HDLBP: variants seen among roughly 807,000 people sequenced by gnomAD.
The protein encoded by HDLBP is vigilin.
A neutral mutation model predicts 137.3 loss-of-function variants in HDLBP; 30 were observed. The ratio of observed to expected loss-of-function variants is 0.22; its 90% confidence interval spans 0.16 to 0.30. The LOEUF (loss-of-function observed/expected upper bound fraction) is 0.30. Among genes scored for constraint, HDLBP ranks in the 10% least tolerant of loss-of-function variants. The pLI is 1.00. For missense variants in HDLBP, 1,119 were observed against 1,667.3 expected (o/e 0.67, Z 5.73); for synonymous variants, 606 against 596.0 (o/e 1.02, Z -0.24).
At chr2:241,247,255 C>T (rs2071753470) in intron 14 of HDLBP, 113 bp from the exon 15 acceptor site, 5 of 703,840 alleles carry the variant, frequency 7.1e-6, no homozygotes, top group East Asian at 2.7e-5. Flanking sequence ...TATTTGCAAA[C>T]AAACCTTCAG....
chr2:241,265,318 T>A (rs1012897194), intron 3 of HDLBP, among the ~76,000 whole-genome samples: 1 of 152,096 alleles, frequency 6.6e-6, no homozygotes, highest in African/African-American at 2.4e-5. Flanking sequence ...CTCGGGAGGC[T>A]GAGGCAGAAC....
At chr2:241,308,552 T>C (rs1368839636) in intron 1 of HDLBP, among the ~76,000 whole-genome samples, 2 of 152,218 alleles carry the variant, frequency 1.3e-5, no homozygotes, top group African/African-American at 4.8e-5. Flanking sequence ...TACTCTGCTT[T>C]AAGAGAAGGG....
At chr2:241,242,166 CT>C (rs1404664388) in intron 17 of HDLBP, among the ~76,000 whole-genome samples, 1 of 152,162 alleles carries the variant, frequency 6.6e-6, no homozygotes, top group African/African-American at 2.4e-5. Flanking sequence ...TTACTTAAAA[CT>C]CAACTATACC....
intron 1 of HDLBP, among the ~76,000 whole-genome samples, chr2:241,277,738 G>A (rs904904715): frequency 4.6e-5 from 7 of 152,152 alleles, no homozygotes; most frequent in African/African-American, 1.7e-4. Context: ...GAGGCGGGCG[G>A]ATCACCTGAG....
In HDLBP at chr2:241,272,854, G is replaced by A; in HGVS notation, c.-102-4313C>T. The A allele has an allele frequency of 3.2e-6, 1 of 308,362 alleles. No homozygotes were observed. Among genetic ancestry groups the A allele is most frequent in the South Asian group, 1.2e-4 (1 of 8,028 alleles). 19.1% of individuals were successfully genotyped at this position (308,362 alleles called of 1,614,324 possible). ...TCCGAGGCGCGGCGCCCGGGCCCCG[G>A]CTGCTATATAGGGCGGCGGCCCAAT... On this transcript the variant is annotated intron_variant, in intron 1 of 27. Coordinates refer to ENST00000310931, the MANE Select transcript of HDLBP (RefSeq NM_005336.6). The surrounding 1 kb of genome is among the most constrained non-coding windows in gnomAD (Gnocchi z 5.6).
intron 12 of HDLBP, 44 bp from the exon 13 acceptor site, chr2:241,248,392 C>A (rs769092466): frequency 6.9e-7 from 1 of 1,459,464 alleles, no homozygotes; most frequent in Admixed American, 1.7e-5. Context: ...ACAAGCACGG[C>A]GAGCAACTCC....
chr2:241,313,100 C>T (rs1303080481), intron 1 of HDLBP, among the ~76,000 whole-genome samples: 1 of 152,228 alleles, frequency 6.6e-6, no homozygotes, highest in Non-Finnish European at 1.5e-5. Context: ...AACCGCAGTT[C>T]AAGGACCACA....
In HDLBP at chr2:241,240,490, G is replaced by A. The variant is rs2071097817; in HGVS notation, c.2170-368C>T. On this transcript the variant is annotated intron_variant, in intron 17 of 27. Coordinates refer to ENST00000310931, the MANE Select transcript of HDLBP (RefSeq NM_005336.6). This position sits in a 1 kb window ranked among gnomAD's most constrained non-coding sequence, Gnocchi z 5.5. ...GTTGGCGGAGTGCACGTCCTGGGGA[G>A]CGTGGGGTGTGCCCAGCAGAGCAGG... is the stretch of plus-strand genomic sequence containing the variant. 6.6e-6 allele frequency among the ~76,000 whole-genome samples: 1 copy of A among 151,624 alleles called. No individual in the cohort carries two copies.
At position 241,272,548 on chromosome 2, in the gene HDLBP, G is replaced by T; in HGVS notation, c.-102-4007C>A. 1 of 984,438 alleles carries T rather than the reference G, an allele frequency of 1.0e-6. No individual in the cohort carries two copies. The highest frequency in any genetic ancestry group is 1.2e-6 in the Non-Finnish European group (1 of 829,610). 61.0% of individuals were successfully genotyped at this position (984,438 alleles called of 1,614,324 possible). On this transcript the variant is annotated intron_variant, in intron 1 of 27. Transcript: ENST00000310931. This position sits in a 1 kb window ranked among gnomAD's most constrained non-coding sequence, Gnocchi z 5.6. ...CACGCGCAGAAGAGACTCGGAGCCG[G>T]CCCCAGGTCTGGCCCGGAACCGCCA...
chr2:241,237,140 T>C (rs1473451177), intron 20 of HDLBP, among the ~76,000 whole-genome samples: 4 of 152,126 alleles, frequency 2.6e-5, no homozygotes, highest in Admixed American at 6.5e-5. Flanking sequence ...GCAGACCCAC[T>C]GCACAAGTGA....
chr2:241,260,221 G>C (rs528467332), intron 5 of HDLBP, among the ~76,000 whole-genome samples: 1 of 152,140 alleles, frequency 6.6e-6, no homozygotes, highest in South Asian at 2.1e-4. Flanking sequence ...GGCCAGGCTG[G>C]TCTCAAACTC....
intron 10 of HDLBP, 32 bp downstream of exon 10, chr2:241,253,361 C>T (rs780485540): frequency 7.0e-7 from 1 of 1,427,942 alleles, no homozygotes; most frequent in Non-Finnish European, 9.9e-7. Context: ...CCCTTGTCAC[C>T]AGCACACACA....
intron 21 of HDLBP, chr2:241,236,288 C>T (rs75289375): frequency 0.025 from 8,734 of 348,882 alleles, 139 homozygotes; most frequent in Non-Finnish European, 0.038. Flanking sequence ...CGGGGGGAGA[C>T]GTTGCAACTG....
At chr2:241,249,049 C>A (rs1457477719) in intron 12 of HDLBP, among the ~76,000 whole-genome samples, 2 of 152,046 alleles carry the variant, frequency 1.3e-5, no homozygotes, top group Admixed American at 1.3e-4. Flanking sequence ...GGGCTGGAGG[C>A]CAGGCTAAGA....
At chr2:241,286,002 AAG>A (rs2074791531) in intron 1 of HDLBP, among the ~76,000 whole-genome samples, 1 of 152,194 alleles carries the variant, frequency 6.6e-6, no homozygotes, top group Non-Finnish European at 1.5e-5. Flanking sequence ...GCCTGGGAAA[AAG>A]AGCAAGACCT....
Position 241,248,136 on chromosome 2 carries a change from G to A in HDLBP, c.1618-20C>T, listed in dbSNP as rs1021086037. On this transcript the variant is annotated intron_variant, in intron 13 of 27. Coordinates refer to ENST00000310931, the MANE Select transcript of HDLBP (RefSeq NM_005336.6). ...GATGACCTAGAACAAATCATGGGGA[G>A]ACTAAGTTCAAGTATGAGGAAGGAC... is the stretch of plus-strand genomic sequence containing the variant. 2.5e-6 allele frequency: 4 copies of A among 1,594,922 alleles called. No homozygotes were observed. The highest frequency in any genetic ancestry group is 2.2e-5 in the East Asian group (1 of 44,790).
chr2:241,263,612 G>C (rs1399538051), intron 4 of HDLBP, among the ~76,000 whole-genome samples: 1 of 152,122 alleles, frequency 6.6e-6, no homozygotes, highest in Non-Finnish European at 1.5e-5. Context: ...GGATGCAACT[G>C]TTTATGAGCC....
At chr2:241,273,588 A>G (rs1453139469) in intron 1 of HDLBP, 1 of 984,974 alleles carries the variant, frequency 1.0e-6, no homozygotes, top group Non-Finnish European at 1.2e-6. Context: ...TTTTAAGGGT[A>G]TAAAGGGAGT....
At chr2:241,267,507 G>A in intron 2 of HDLBP, 2 of 1,421,928 alleles carry the variant, frequency 1.4e-6, no homozygotes, top group Admixed American at 2.0e-5. Context: ...CAGGCTCCAG[G>A]CATAGATCAA....
Sources: allele counts gnomAD v4.1 joint callset (sites outside exome capture counted in the v4.1 genomes callset), GRCh38; gene constraint gnomAD v4.1.1; non-coding constraint Gnocchi (gnomAD v3.1); transcripts MANE v1.5; gene names NCBI Gene and HGNC (gene_info 2026-07-23, HGNC 2026-07-21).